Variants in ROBO2 observed in about 807,000 individuals in gnomAD.
ROBO2 encodes the protein roundabout homolog 2.
Under a neutral mutation model 160.8 loss-of-function variants are expected in ROBO2, and 53 were observed. The ratio of observed to expected loss-of-function variants is 0.33; its 90% CI spans 0.26 to 0.41. ROBO2 has a LOEUF of 0.41. Ranked by LOEUF, ROBO2 falls within the 10% of genes least tolerant of loss-of-function variation. The pLI is 1.00. For missense variants in ROBO2, 1,577 were observed against 1,722.4 expected (o/e 0.92, Z 1.49); for synonymous variants, 664 against 611.7 (o/e 1.09, Z -1.26).
Position 76,564,161 on chromosome 3 carries a change from G to T in ROBO2, c.110-533853G>T, listed in dbSNP as rs911668347. On this transcript the variant is annotated intron_variant, in intron 2 of 26. Transcript: ENST00000487694. Reference sequence around the variant, plus strand: ...GCGGAAGTTGCAGTAAGCCGAGATAGTGCCTATGCACTCCAGTCGGGGCGA... The same window carrying T: ...GCGGAAGTTGCAGTAAGCCGAGATATTGCCTATGCACTCCAGTCGGGGCGA... Among the ~76,000 whole-genome samples the T allele has an allele frequency of 4.6e-5, 7 of 152,350 alleles. No individual in the cohort carries two copies. The South Asian group carries it at 1.2e-3, about 27-fold the overall frequency.
chr3:77,211,208 G>A (rs528915190), intron 2 of ROBO2, among the ~76,000 whole-genome samples: 2,212 of 152,294 alleles, frequency 0.015, 48 homozygotes, highest in African/African-American at 0.05. Flanking sequence ...CCCACCAACA[G>A]TGTAAAAGTG....
intron 2 of ROBO2, among the ~76,000 whole-genome samples, chr3:76,916,015 C>T (rs1455259908): frequency 6.6e-6 from 1 of 152,138 alleles, no homozygotes; most frequent in African/African-American, 2.4e-5. Context: ...GGGCTCCACC[C>T]TCATGACCTA....
chr3:77,312,100 A>G (rs2153423184), intron 2 of ROBO2, among the ~76,000 whole-genome samples: 1 of 152,200 alleles, frequency 6.6e-6, no homozygotes, highest in African/African-American at 2.4e-5. Flanking sequence ...AAGAAAAAAA[A>G]ATGATTCAGA....
intron 2 of ROBO2, among the ~76,000 whole-genome samples, chr3:76,580,355 T>G (rs1426806307): frequency 3.5e-4 from 43 of 122,200 alleles, no homozygotes; most frequent in East Asian, 1.0e-3. Flanking sequence ...TTTTTTTTTG[T>G]TTTTTTTTTT....
At chr3:76,279,654 C>T (rs186710864) in intron 2 of ROBO2, among the ~76,000 whole-genome samples, 2 of 151,880 alleles carry the variant, frequency 1.3e-5, no homozygotes, top group South Asian at 4.2e-4. Flanking sequence ...TGTATTAAAC[C>T]CTAATGTCCT....
rs1381936908 is a variant in ROBO2, at chr3:76,398,602, C to A, written c.109+461000C>A. ...CCTCTTCCATTTTCACACACTGTTG[C>A]ACCTCTAGGCAGTATACACTAAACT... On this transcript the variant is annotated intron_variant, in intron 2 of 26. Transcript: ENST00000487694. Among the ~76,000 whole-genome samples the A allele has an allele frequency of 1.3e-5, 2 of 151,708 alleles. 1 individual carries two copies. Among genetic ancestry groups the A allele is most frequent in the East Asian group, 3.9e-4 (2 of 5,172 alleles).
intron 2 of ROBO2, among the ~76,000 whole-genome samples, chr3:76,091,491 G>C (rs1307377176): frequency 6.6e-6 from 1 of 152,154 alleles, no homozygotes; most frequent in African/African-American, 2.4e-5. Context: ...CTACAAAGTG[G>C]TACAGCCGCT....
rs150373027 is a variant in ROBO2 at position 76,892,759 on chromosome 3, A to G, written c.110-205255A>G. Among the ~76,000 whole-genome samples the G allele has an allele frequency of 3.3e-3, 510 of 152,348 alleles. 4 individuals carry two copies. Among genetic ancestry groups the G allele is most frequent in the Non-Finnish European group, 4.7e-3 (320 of 68,024 alleles). ...TTAGATTCATAACCAATGATCTCCA[A>G]TAGAAACAAGAACTCTCACTTCTCT... On this transcript the variant is annotated intron_variant, in intron 2 of 26. Coordinates refer to the ROBO2 transcript ENST00000487694.
At chr3:77,450,674 A>T (rs2153561653) in intron 2 of ROBO2, among the ~76,000 whole-genome samples, 1 of 152,174 alleles carries the variant, frequency 6.6e-6, no homozygotes, top group East Asian at 1.9e-4. Flanking sequence ...GTCAATATCA[A>T]AATGGCAGAA....
intron 2 of ROBO2, among the ~76,000 whole-genome samples, chr3:76,410,564 GAT>G: frequency 1.3e-5 from 2 of 152,234 alleles, no homozygotes; most frequent in Middle Eastern, 6.8e-3. Flanking sequence ...TGAGACCACT[GAT>G]ATTAGATTCC....
chr3:76,664,097 A>T (rs909431493), intron 2 of ROBO2, among the ~76,000 whole-genome samples: 1 of 152,144 alleles, frequency 6.6e-6, no homozygotes, highest in African/African-American at 2.4e-5. Context: ...CCCTATGGGG[A>T]AGTCTGTCAA....
intron 2 of ROBO2, among the ~76,000 whole-genome samples, chr3:77,123,129 A>T (rs1456446968): frequency 7.2e-5 from 11 of 152,204 alleles, no homozygotes. Flanking sequence ...TATTTCCACA[A>T]CAATGTTAAT....
chr3:77,398,567 C>A (rs2075503540), intron 2 of ROBO2, among the ~76,000 whole-genome samples: 1 of 151,900 alleles, frequency 6.6e-6, no homozygotes, highest in South Asian at 2.1e-4. Flanking sequence ...TTTACTAGGC[C>A]TCTTTTTTCT....
chr3:76,507,139 T>G (rs914503683), intron 2 of ROBO2, among the ~76,000 whole-genome samples: 8 of 152,076 alleles, frequency 5.3e-5, no homozygotes, highest in Non-Finnish European at 1.2e-4. Context: ...ACAATCAACA[T>G]AAATTAGAAA....
intron 6 of ROBO2, among the ~76,000 whole-genome samples, chr3:77,535,806 A>T (rs1342470341): frequency 2.0e-5 from 3 of 152,152 alleles, no homozygotes; most frequent in Non-Finnish European, 4.4e-5. Flanking sequence ...ATTTATACCT[A>T]TGTATAATTT....
intron 2 of ROBO2, among the ~76,000 whole-genome samples, chr3:77,205,960 G>A (rs58093998): frequency 6.6e-4 from 101 of 152,144 alleles, no homozygotes; most frequent in African/African-American, 2.4e-3. Flanking sequence ...AGTTTTGGGG[G>A]ACTGGAAATT....
At chr3:76,964,299 TATCATCTAGTTCTTAATATACTCC>T (rs2079903423) in intron 2 of ROBO2, among the ~76,000 whole-genome samples, 3 of 152,144 alleles carry the variant, frequency 2.0e-5, no homozygotes, top group Admixed American at 1.3e-4. Flanking sequence ...ACCTTTTGGG[TATCATCTAGTTCTTAATATACTCC>T]TTTTGTTTTT....
intron 2 of ROBO2, among the ~76,000 whole-genome samples, chr3:77,423,300 TCAATTCAGTGA>T (rs1185700925): frequency 6.6e-6 from 1 of 152,154 alleles, no homozygotes; most frequent in Non-Finnish European, 1.5e-5. Flanking sequence ...GTTGGTATGT[TCAATTCAGTGA>T]CATTATTTTA....
At chr3:76,115,794 T>C (rs2070442958) in intron 2 of ROBO2, among the ~76,000 whole-genome samples, 1 of 152,102 alleles carries the variant, frequency 6.6e-6, no homozygotes, top group Non-Finnish European at 1.5e-5. Flanking sequence ...CATATGGACA[T>C]CTTTCTGTAC....
Sources: gnomAD v4.1 joint callset for allele counts (sites outside exome capture counted in the v4.1 genomes callset) on GRCh38, gnomAD v4.1.1 for gene constraint, MANE v1.5 for transcripts, NCBI Gene and HGNC (gene_info 2026-07-23, HGNC 2026-07-21) for gene names.